The following CDH13 variants were observed in gnomAD, a reference collection of about 807,000 sequenced individuals.
The protein encoded by CDH13 is cadherin 13.
Under a neutral mutation model 63.8 loss-of-function variants are expected in CDH13, and 24 were observed. The observed-to-expected ratio is 0.38, with a 90% CI of 0.27 to 0.53. The LOEUF is 0.53. Ranked by LOEUF, CDH13 falls within the 20% of genes least tolerant of loss-of-function variation. The pLI is 0.85. For synonymous variants in CDH13, 503 were observed against 355.3 expected (o/e 1.42, Z -4.67); for missense variants, 1,049 against 903.1 (o/e 1.16, Z -2.07).
chr16:83,178,062 A>T (rs573631942), intron 4 of CDH13, among the ~76,000 whole-genome samples: 1 of 152,232 alleles, frequency 6.6e-6, no homozygotes, highest in African/African-American at 2.4e-5. Flanking sequence ...GAACCCCTGA[A>T]ATCTAGTCCT....
At chr16:83,466,717 G>A (rs1173633116) in intron 6 of CDH13, among the ~76,000 whole-genome samples, 1 of 152,166 alleles carries the variant, frequency 6.6e-6, no homozygotes, top group African/African-American at 2.4e-5. Context: ...CCCTAGTTTG[G>A]AACACACATT....
chr16:83,618,419 CAA>C (rs563377656), intron 8 of CDH13, among the ~76,000 whole-genome samples: 37 of 98,998 alleles, frequency 3.7e-4, no homozygotes, highest in Admixed American at 4.1e-4. Flanking sequence ...AGAGAGACTC[CAA>C]AAAAAAAAAA....
At chr16:83,250,323 G>A (rs1008446946) in intron 5 of CDH13, among the ~76,000 whole-genome samples, 11 of 152,070 alleles carry the variant, frequency 7.2e-5, no homozygotes, top group African/African-American at 1.4e-4. Flanking sequence ...GCCAGCCACC[G>A]TTCCAAGTGT....
At chr16:83,460,996 C>CACAG (rs2073165063) in intron 6 of CDH13, among the ~76,000 whole-genome samples, 1 of 31,358 alleles carries the variant, frequency 3.2e-5, no homozygotes, top group Non-Finnish European at 7.5e-5. Flanking sequence ...CACACACACG[C>CACAG]ACACACACAC....
At chr16:82,720,901 G>A (rs1371027071) in intron 1 of CDH13, among the ~76,000 whole-genome samples, 1 of 152,170 alleles carries the variant, frequency 6.6e-6, no homozygotes, top group Non-Finnish European at 1.5e-5. Context: ...GTAAATAGTA[G>A]ATGCTCAGTA....
intron 3 of CDH13, among the ~76,000 whole-genome samples, chr16:83,061,062 G>A (rs925062594): frequency 6.6e-6 from 1 of 152,184 alleles, no homozygotes; most frequent in African/African-American, 2.4e-5. Context: ...TAAATACGGG[G>A]ACTAAGGTAT....
intron 1 of CDH13, among the ~76,000 whole-genome samples, chr16:82,776,097 C>G (rs1036741475): frequency 2.0e-5 from 3 of 152,134 alleles, no homozygotes; most frequent in African/African-American, 7.2e-5. Context: ...ATAATCCCAG[C>G]TACTTGGGTG....
At chr16:82,851,185 T>C (rs1021566177) in intron 1 of CDH13, among the ~76,000 whole-genome samples, 7 of 152,084 alleles carry the variant, frequency 4.6e-5, no homozygotes, top group Non-Finnish European at 7.4e-5. Flanking sequence ...CCTGTAATCC[T>C]AGCCCTTTGG....
chr16:82,731,560 G>A (rs963535161), intron 1 of CDH13, among the ~76,000 whole-genome samples: 2 of 152,342 alleles, frequency 1.3e-5, no homozygotes, highest in Non-Finnish European at 2.9e-5. Flanking sequence ...ACAAATAAGT[G>A]AAATTCTGAC....
chr16:83,046,342 A>G (rs1917781732), intron 3 of CDH13, among the ~76,000 whole-genome samples: 1 of 152,208 alleles, frequency 6.6e-6, no homozygotes, highest in African/African-American at 2.4e-5. Flanking sequence ...GGCGGCCATC[A>G]AAACATAAGA....
At chr16:82,756,714 C>T (rs547960149) in intron 1 of CDH13, among the ~76,000 whole-genome samples, 1 of 152,194 alleles carries the variant, frequency 6.6e-6, no homozygotes, top group South Asian at 2.1e-4. Context: ...GAGGAGGAAA[C>T]AGAGAATTAG....
At chr16:83,568,653 G>C (rs1489668639) in intron 7 of CDH13, among the ~76,000 whole-genome samples, 1 of 152,200 alleles carries the variant, frequency 6.6e-6, no homozygotes. Context: ...CTTGCTGGTA[G>C]ATGGGAAGGA....
At chr16:83,011,385 C>A (rs937145926) in intron 2 of CDH13, among the ~76,000 whole-genome samples, 1 of 152,148 alleles carries the variant, frequency 6.6e-6, no homozygotes, top group South Asian at 2.1e-4. Context: ...ACCTCATGAG[C>A]ACATTCAATC....
chr16:83,547,408 G>A (rs1048810907), intron 7 of CDH13, among the ~76,000 whole-genome samples: 2 of 152,112 alleles, frequency 1.3e-5, no homozygotes, highest in Non-Finnish European at 2.9e-5. Context: ...TTGTCACCTG[G>A]GTACTAAGTA....
chr16:83,531,633 A>T (rs1025000029), intron 7 of CDH13, among the ~76,000 whole-genome samples: 1 of 152,208 alleles, frequency 6.6e-6, no homozygotes, highest in Admixed American at 6.5e-5. Flanking sequence ...TGTCCCTACA[A>T]GAGGGAGGCG....
chr16:83,016,871 T>C (rs1438751952), intron 2 of CDH13, among the ~76,000 whole-genome samples: 1 of 152,214 alleles, frequency 6.6e-6, no homozygotes, highest in African/African-American at 2.4e-5. Flanking sequence ...TTATGACATT[T>C]ATGAAAACCA....
chr16:82,716,250 C>T lies in CDH13; in HGVS notation c.45+89113C>T, dbSNP rs117193763. ...TTTATGGAAACTGGATTTTCGGGACCTTGGAGGACCTCCTATGGGGAATAG... is the reference window on the plus strand; with the variant it reads ...TTTATGGAAACTGGATTTTCGGGACTTTGGAGGACCTCCTATGGGGAATAG... On this transcript the variant is annotated intron_variant, in intron 1 of 13. Transcript: ENST00000567109. Among the ~76,000 whole-genome samples the T allele has an allele frequency of 5.1e-4, 78 of 152,166 alleles. 1 individual carries two copies. In the East Asian group the frequency reaches 6.6e-3, roughly 13 times the overall value.
chr16:82,931,855 G>A (rs750263779), intron 2 of CDH13, among the ~76,000 whole-genome samples: 1 of 152,138 alleles, frequency 6.6e-6, no homozygotes, highest in African/African-American at 2.4e-5. Context: ...CCTACAACAT[G>A]TGGGAATTAT....
At chr16:82,806,825 C>T (rs902966605) in intron 1 of CDH13, among the ~76,000 whole-genome samples, 4 of 152,156 alleles carry the variant, frequency 2.6e-5, no homozygotes, top group Non-Finnish European at 4.4e-5. Flanking sequence ...ACAAGGCTTT[C>T]ATTCTACCAT....
Sources: gnomAD v4.1 joint callset for allele counts (sites outside exome capture counted in the v4.1 genomes callset) on GRCh38, gnomAD v4.1.1 for gene constraint, MANE v1.5 for transcripts, NCBI Gene and HGNC (gene_info 2026-07-23, HGNC 2026-07-21) for gene names.